HERPUD2: variants seen among roughly 807,000 people sequenced by gnomAD.
The protein encoded by HERPUD2 is homocysteine-responsive endoplasmic reticulum-resident ubiquitin-like domain member 2 protein.
HERPUD2 carries 13 observed loss-of-function variants against 49.9 expected under a neutral mutation model. The observed-to-expected ratio is 0.26, with a 90% CI of 0.17 to 0.41. The LOEUF (loss-of-function observed/expected upper bound fraction) is 0.41, where lower values mean the gene tolerates loss of function less well. Among genes scored for constraint, HERPUD2 ranks in the 10% least tolerant of loss-of-function variants. The probability of loss-of-function intolerance (pLI) is 1.00; values close to 1 mark genes in which losing one functional copy is unlikely to be tolerated. For synonymous variants in HERPUD2, 172 were observed against 171.4 expected, an observed-to-expected ratio of 1.00 and a Z score of -0.03; for missense variants, 449 against 492.2, an observed-to-expected ratio of 0.91 and a Z score of 0.83.
chr7:35,674,689 A>G (rs1256925091), intron 2 of HERPUD2, among the ~76,000 whole-genome samples: 1 of 148,306 alleles, frequency 6.7e-6, no homozygotes, highest in Non-Finnish European at 1.5e-5. Context: ...CCAGAGAGGG[A>G]GAGTGGCTTA....
intron 3 of HERPUD2, among the ~76,000 whole-genome samples, chr7:35,670,777 CTCT>C: frequency 6.6e-6 from 1 of 152,050 alleles, no homozygotes; most frequent in African/African-American, 2.4e-5. Context: ...ATTTTTTTTA[CTCT>C]TTTTTTCAGT....
intron 2 of HERPUD2, among the ~76,000 whole-genome samples, chr7:35,676,782 C>T (rs368519406): frequency 1.3e-5 from 2 of 152,296 alleles, no homozygotes; most frequent in African/African-American, 4.8e-5. Context: ...GCTAATGACA[C>T]TAATAAATAC....
At chr7:35,656,027 T>C (rs1785267814) in intron 5 of HERPUD2, among the ~76,000 whole-genome samples, 1 of 152,112 alleles carries the variant, frequency 6.6e-6, no homozygotes, top group Non-Finnish European at 1.5e-5. Flanking sequence ...CCGGGCATCA[T>C]GGCAGACACC....
intron 5 of HERPUD2, among the ~76,000 whole-genome samples, chr7:35,658,332 C>A (rs1246134144): frequency 6.6e-6 from 1 of 151,988 alleles, no homozygotes; most frequent in Non-Finnish European, 1.5e-5. Flanking sequence ...AGGAAGGGTG[C>A]TGGGAGTGGT....
Position 35,633,476 on chromosome 7 carries a change from TTC to T in HERPUD2, c.*212_*213del, listed in dbSNP as rs752151183. On this transcript the variant is annotated 3_prime_UTR_variant, in exon 9 of 9. Coordinates refer to ENST00000311350, the MANE Select transcript of HERPUD2 (RefSeq NM_022373.5). ...GGAAGACCAATATTGTTACGCTATGTTCTGTTAGGATCTTTAAAAAAAAAAAA... is the reference window on the plus strand; with the variant it reads ...GGAAGACCAATATTGTTACGCTATGTTGTTAGGATCTTTAAAAAAAAAAAA... 2.9e-4 allele frequency: 113 copies of T among 388,548 alleles called. No individual in the cohort carries two copies. Among genetic ancestry groups the T allele is most frequent in the Admixed American group, 5.1e-4 (12 of 23,448 alleles). The allele number at this position is 388,548 out of a possible 1,614,324, so 24.1% of individuals were successfully genotyped here.
intron 2 of HERPUD2, among the ~76,000 whole-genome samples, chr7:35,675,210 T>C (rs542576529): frequency 1.3e-4 from 20 of 152,294 alleles, no homozygotes; most frequent in South Asian, 6.2e-4. Context: ...CAGAACTCCT[T>C]GTTGTTGGAG....
At chr7:35,659,022 T>C (rs958826629) in intron 5 of HERPUD2, among the ~76,000 whole-genome samples, 4 of 152,214 alleles carry the variant, frequency 2.6e-5, no homozygotes, top group Non-Finnish European at 5.9e-5. Context: ...TCAGTTTTAA[T>C]ACACTCACTA....
In HERPUD2 at chr7:35,669,704, T is replaced by A. The variant is rs79545505; in HGVS notation, c.339+511A>T. 0.01 allele frequency among the ~76,000 whole-genome samples: 1,592 copies of A among 152,224 alleles called. 105 individuals carry two copies. In the East Asian group the frequency reaches 0.19, roughly 18 times the overall value. ...AATACCCAAGTCTGAAAGAGATTAA[T>A]ACATTAAGTATTTCCTCCCCAAGCA... On this transcript the variant is annotated intron_variant, in intron 4 of 8. Transcript: ENST00000311350.
chr7:35,636,736 C>A (rs1784876382), intron 6 of HERPUD2, among the ~76,000 whole-genome samples: 1 of 152,110 alleles, frequency 6.6e-6, no homozygotes, highest in Non-Finnish European at 1.5e-5. Context: ...GGGGAAAGGT[C>A]TGGAGGAAGG....
intron 5 of HERPUD2, among the ~76,000 whole-genome samples, chr7:35,665,311 G>A (rs537574214): frequency 7.4e-4 from 112 of 152,348 alleles, no homozygotes; most frequent in Non-Finnish European, 8.8e-4. Context: ...TCGAGCCTCG[G>A]CAATGGCAGA....
Position 35,667,500 on chromosome 7 carries a change from T to C in HERPUD2, c.428A>G (p.Gln143Arg), listed in dbSNP as rs1476192245. Residue 143 changes from glutamine (Q) to arginine (R), a missense_variant, in exon 5 of 9, where the codon CAG becomes CGG. Physicochemically the swap from Gln to Arg is conservative, Grantham distance 43 (BLOSUM62 1). Transcript: ENST00000311350. ...AGTTTGTGCTTGTGGAAGGGTACGC[T>C]GCCTCAATCCTTCTGAGGAAGAACC... ...AVGSSSEGLRQRTLPQAQTDQ... is the reference protein window; with the variant it reads ...AVGSSSEGLRRRTLPQAQTDQ... 2 of 1,613,918 alleles carry C rather than the reference T, an allele frequency of 1.2e-6. No individual in the cohort carries two copies. The highest frequency in any genetic ancestry group is 3.3e-5 in the Admixed American group (2 of 60,002).
chr7:35,639,455 T>G (rs1784930425), intron 5 of HERPUD2, among the ~76,000 whole-genome samples: 1 of 152,230 alleles, frequency 6.6e-6, no homozygotes, highest in Non-Finnish European at 1.5e-5. Context: ...TATCCTGTAT[T>G]CATGAAATGT....
chr7:35,652,664 G>A (rs1478358090), intron 5 of HERPUD2, among the ~76,000 whole-genome samples: 1 of 143,974 alleles, frequency 6.9e-6, no homozygotes, highest in African/African-American at 2.5e-5. Context: ...GAGGGTGGGA[G>A]AAAGGGAGGA....
intron 5 of HERPUD2, among the ~76,000 whole-genome samples, chr7:35,647,933 G>A (rs1375350747): frequency 6.6e-6 from 1 of 151,748 alleles, no homozygotes; most frequent in Non-Finnish European, 1.5e-5. Flanking sequence ...ATATCCTTTT[G>A]GATAAAGTGT....
intron 5 of HERPUD2, among the ~76,000 whole-genome samples, chr7:35,650,316 G>A (rs1785136564): frequency 6.6e-6 from 1 of 152,142 alleles, no homozygotes; most frequent in Non-Finnish European, 1.5e-5. Context: ...CCAGTGCAGG[G>A]AAAGGTTAAG....
chr7:35,692,997 A>C (rs1289797678), intron 2 of HERPUD2, among the ~76,000 whole-genome samples: 1 of 152,242 alleles, frequency 6.6e-6, no homozygotes, highest in Non-Finnish European at 1.5e-5. Context: ...AAGTTTTAGT[A>C]ATTAAACACT....
chr7:35,692,446 A>C (rs1786214268), intron 2 of HERPUD2, among the ~76,000 whole-genome samples: 1 of 152,256 alleles, frequency 6.6e-6, no homozygotes, highest in African/African-American at 2.4e-5. Context: ...ATGGAAGTCT[A>C]TGACTTTCAA....
chr7:35,686,211 CAG>C (rs1471468640), intron 2 of HERPUD2, among the ~76,000 whole-genome samples: 1 of 150,154 alleles, frequency 6.7e-6, no homozygotes, highest in Non-Finnish European at 1.5e-5. Flanking sequence ...TTTTTTGAGA[CAG>C]AGTCTTACTC....
chr7:35,661,300 G>A (rs189068494), intron 5 of HERPUD2, among the ~76,000 whole-genome samples: 1 of 152,212 alleles, frequency 6.6e-6, no homozygotes, highest in African/African-American at 2.4e-5. Context: ...TATAGTTTGA[G>A]GTCAGGTAGC....
Sources: gnomAD v4.1 joint callset for allele counts (sites outside exome capture counted in the v4.1 genomes callset) on GRCh38, gnomAD v4.1.1 for gene constraint, MANE v1.5 for transcripts, NCBI Gene and HGNC (gene_info 2026-07-23, HGNC 2026-07-21) for gene names.